The following ZNF536 variants were observed in gnomAD, a reference collection of about 807,000 sequenced individuals.
ZNF536 encodes the protein zinc finger protein 536.
ZNF536 carries 13 observed loss-of-function variants against 84.5 expected under a neutral mutation model. That is an observed-to-expected ratio of 0.15 (90% CI 0.10 to 0.24). The LOEUF (loss-of-function observed/expected upper bound fraction) is 0.24. ZNF536 is among the 10% of genes least tolerant of loss of function. The pLI is 1.00. For missense variants in ZNF536, 1,536 were observed against 1,747.5 expected (o/e 0.88, Z 2.16); for synonymous variants, 811 against 742.5 (o/e 1.09, Z -1.50).
intron 2 of ZNF536, among the ~76,000 whole-genome samples, chr19:30,457,865 C>A (rs992109712): frequency 1.3e-5 from 2 of 152,202 alleles, no homozygotes; most frequent in Non-Finnish European, 2.9e-5. Context: ...GAGGGCTGCA[C>A]CCCCAGTATG....
chr19:30,344,535 T>C (rs2047679145), intron 2 of ZNF536, among the ~76,000 whole-genome samples: 1 of 151,238 alleles, frequency 6.6e-6, no homozygotes, highest in Non-Finnish European at 1.5e-5. Flanking sequence ...CATTCCCTTC[T>C]CCGAGTCAGC....
At chr19:30,527,426 G>A (rs1485727878) in intron 2 of ZNF536, among the ~76,000 whole-genome samples, 1 of 151,388 alleles carries the variant, frequency 6.6e-6, no homozygotes, top group African/African-American at 2.4e-5. Context: ...GTCCAATCCC[G>A]ACCCCGTTGG....
intron 2 of ZNF536, among the ~76,000 whole-genome samples, chr19:30,349,687 C>A (rs1378491418): frequency 6.6e-6 from 1 of 152,012 alleles, no homozygotes; most frequent in African/African-American, 2.4e-5. Context: ...AGCCCTCGAC[C>A]CTGCCCTCAC....
intron 2 of ZNF536, among the ~76,000 whole-genome samples, chr19:30,308,545 C>T (rs540358284): frequency 6.6e-6 from 1 of 152,112 alleles, no homozygotes; most frequent in South Asian, 2.1e-4. Context: ...TGCTCCAGGG[C>T]AGTGAGGGAG....
At chr19:30,451,856 A>G (rs530450362) in intron 2 of ZNF536, among the ~76,000 whole-genome samples, 1 of 152,344 alleles carries the variant, frequency 6.6e-6, no homozygotes, top group East Asian at 1.9e-4. Flanking sequence ...AAGGGACGGA[A>G]CAGTTCATTT....
chr19:30,695,329 A>G (rs2051611413), intron 1 of ZNF536, among the ~76,000 whole-genome samples: 2 of 152,200 alleles, frequency 1.3e-5, no homozygotes, highest in Admixed American at 6.5e-5. Flanking sequence ...TTCAGTAAAC[A>G]ACGTCTGGTT....
intron 2 of ZNF536, among the ~76,000 whole-genome samples, chr19:30,527,250 T>TTTTTA: frequency 7.5e-6 from 1 of 133,022 alleles, no homozygotes; most frequent in Admixed American, 7.5e-5. Context: ...TTTTTTTTTT[T>TTTTTA]AAGAAATTAG....
chr19:30,247,585 G>T (rs1236375535), intron 1 of ZNF536, among the ~76,000 whole-genome samples: 1 of 152,204 alleles, frequency 6.6e-6, no homozygotes, highest in Admixed American at 6.5e-5. Flanking sequence ...ACTTTGGGAA[G>T]TGGGAAGATG....
At chr19:30,519,167 C>T (rs995209598) in intron 2 of ZNF536, among the ~76,000 whole-genome samples, 6 of 152,218 alleles carry the variant, frequency 3.9e-5, no homozygotes, top group Non-Finnish European at 7.3e-5. Context: ...CAGCCTATCG[C>T]GTCCCAAGGT....
intron 1 of ZNF536, among the ~76,000 whole-genome samples, chr19:30,442,660 G>A (rs920748471): frequency 5.3e-5 from 8 of 152,148 alleles, no homozygotes; most frequent in Admixed American, 2.0e-4. Flanking sequence ...CTAAGATTCC[G>A]TCAGGAGATA....
intron 2 of ZNF536, among the ~76,000 whole-genome samples, chr19:30,337,358 T>C (rs1211834737): frequency 1.3e-5 from 2 of 152,238 alleles, no homozygotes; most frequent in Non-Finnish European, 2.9e-5. Context: ...TGTGTCCGCA[T>C]GAACTGTAGA....
chr19:30,545,944 G>A lies in ZNF536; in HGVS notation c.2324-1999G>A, dbSNP rs548069229. On this transcript the variant is annotated intron_variant, in intron 3 of 4. Coordinates refer to ENST00000355537, the MANE Select transcript of ZNF536 (RefSeq NM_014717.3). ...AGCCTGAGTCCCACCAGGCACCTGC[G>A]GGCCTCACCTCTGCAGGCTTTCATC... Among the ~76,000 whole-genome samples, 12 of 152,302 alleles carry A rather than the reference G, an allele frequency of 7.9e-5. No homozygotes were observed. The South Asian group carries it at 8.3e-4, about 11-fold the overall frequency.
At chr19:30,645,396 G>A (rs573901451) in intron 1 of ZNF536, among the ~76,000 whole-genome samples, 2 of 152,172 alleles carry the variant, frequency 1.3e-5, no homozygotes, top group African/African-American at 4.8e-5. Context: ...GTCAATTTTG[G>A]CTTTTGCTGC....
At chr19:30,311,026 G>A (rs1000301568) in intron 2 of ZNF536, among the ~76,000 whole-genome samples, 1 of 152,196 alleles carries the variant, frequency 6.6e-6, no homozygotes, top group African/African-American at 2.4e-5. Context: ...CTGGCCTGAC[G>A]CTTGGATCCT....
intron 1 of ZNF536, among the ~76,000 whole-genome samples, chr19:30,570,398 G>T (rs566094752): frequency 1.3e-5 from 2 of 152,326 alleles, no homozygotes; most frequent in Non-Finnish European, 2.9e-5. Flanking sequence ...GAGGGTGGCA[G>T]GTGCAGAGGC....
At chr19:30,356,667 C>A (rs578217377) in intron 3 of ZNF536, among the ~76,000 whole-genome samples, 1 of 152,164 alleles carries the variant, frequency 6.6e-6, no homozygotes, top group Non-Finnish European at 1.5e-5. Flanking sequence ...TAAGGTCCCA[C>A]GGTGGACACT....
chr19:30,330,987 C>A (rs1459770942), intron 2 of ZNF536, among the ~76,000 whole-genome samples: 1 of 152,094 alleles, frequency 6.6e-6, no homozygotes, highest in African/African-American at 2.4e-5. Context: ...AGGCTCAAGT[C>A]ATTGATACTG....
intron 1 of ZNF536, among the ~76,000 whole-genome samples, chr19:30,421,155 A>G (rs942669763): frequency 7.9e-5 from 12 of 152,182 alleles, no homozygotes; most frequent in South Asian, 2.1e-4. Flanking sequence ...AGGGATAGGT[A>G]TGTAGAGGAT....
chr19:30,504,851 T>A (rs940494465), intron 2 of ZNF536, among the ~76,000 whole-genome samples: 2 of 151,974 alleles, frequency 1.3e-5, no homozygotes, highest in Non-Finnish European at 2.9e-5. Flanking sequence ...CCATTTCCGA[T>A]GAGGATGTTA....
Sources: allele counts gnomAD v4.1 joint callset (sites outside exome capture counted in the v4.1 genomes callset), GRCh38; gene constraint gnomAD v4.1.1; transcripts MANE v1.5; gene names NCBI Gene and HGNC (gene_info 2026-07-23, HGNC 2026-07-21).